PLEKHA2: variants seen among roughly 807,000 people sequenced by gnomAD.
The protein encoded by PLEKHA2 is pleckstrin homology domain containing A2, also known as pleckstrin homology domain-containing family A member 2.
A neutral mutation model predicts 53.2 loss-of-function variants in PLEKHA2; 28 were observed. The observed-to-expected ratio is 0.53, with a 90% CI of 0.39 to 0.72. PLEKHA2 has a LOEUF of 0.72. PLEKHA2 is among the 30% of genes least tolerant of loss of function. The pLI, the probability that PLEKHA2 is intolerant of heterozygous loss-of-function variation, is 0.00. For missense variants in PLEKHA2, 426 were observed against 537.9 expected, an observed-to-expected ratio of 0.79 and a Z score of 2.06; for synonymous variants, 193 against 196.4, an observed-to-expected ratio of 0.98 and a Z score of 0.14.
chr8:38,932,268 T>C (rs751191629), intron 2 of PLEKHA2, among the ~76,000 whole-genome samples: 1 of 152,202 alleles, frequency 6.6e-6, no homozygotes, highest in African/African-American at 2.4e-5. Context: ...GGTGTTGGGA[T>C]TACAGGTGTG....
At chr8:38,965,034 A>G (rs1448942238) in intron 10 of PLEKHA2, among the ~76,000 whole-genome samples, 1 of 150,826 alleles carries the variant, frequency 6.6e-6, no homozygotes, top group Non-Finnish European at 1.5e-5. Flanking sequence ...TTAATTTTTT[A>G]TTTTTCTACA....
chr8:38,933,240 A>G (rs1834426227), intron 2 of PLEKHA2, among the ~76,000 whole-genome samples: 1 of 151,512 alleles, frequency 6.6e-6, no homozygotes, highest in African/African-American at 2.4e-5. Flanking sequence ...GTGCTGTGGG[A>G]GGGGGATCGG....
intron 1 of PLEKHA2, among the ~76,000 whole-genome samples, chr8:38,911,500 G>C (rs1833954096): frequency 1.3e-5 from 2 of 152,188 alleles, no homozygotes; most frequent in South Asian, 2.1e-4. Context: ...GCCTCCCAAA[G>C]TGCTGGGTTT....
At chr8:38,956,446 ACGGTTTAGGGAG>A (rs1392866820) in intron 9 of PLEKHA2, among the ~76,000 whole-genome samples, 2 of 151,998 alleles carry the variant, frequency 1.3e-5, no homozygotes, top group East Asian at 3.9e-4. Context: ...GGTGGAGGAG[ACGGTTTAGGGAG>A]CGGAGAGTTG....
intron 1 of PLEKHA2, among the ~76,000 whole-genome samples, chr8:38,915,280 A>T (rs1203711854): frequency 6.6e-6 from 1 of 152,182 alleles, no homozygotes; most frequent in African/African-American, 2.4e-5. Context: ...TCTTTCCATT[A>T]TAAAGGGTAA....
chr8:38,918,629 C>CAG (rs1491168904), intron 2 of PLEKHA2, among the ~76,000 whole-genome samples: 1 of 102,128 alleles, frequency 9.8e-6, no homozygotes, highest in Non-Finnish European at 2.1e-5. Flanking sequence ...ACACACACAC[C>CAG]ACACACAGAG....
chr8:38,914,406 G>A (rs1262626632), intron 1 of PLEKHA2, among the ~76,000 whole-genome samples: 4 of 152,262 alleles, frequency 2.6e-5, no homozygotes, highest in African/African-American at 4.8e-5. Context: ...TCTGCCTGAT[G>A]TCAGCCTGTG....
intron 5 of PLEKHA2, among the ~76,000 whole-genome samples, chr8:38,948,445 A>G (rs532251357): frequency 2.6e-5 from 4 of 152,342 alleles, no homozygotes; most frequent in African/African-American, 9.6e-5. Context: ...CTGGCACTGA[A>G]TGGTGGCCCA....
intron 11 of PLEKHA2, 179 bp downstream of exon 11, chr8:38,968,848 G>A (rs1020343917): frequency 2.8e-5 from 16 of 562,364 alleles, no homozygotes; most frequent in South Asian, 2.5e-4. Flanking sequence ...ATTTTTCTCT[G>A]TTTGGTTGTG....
At position 38,953,364 on chromosome 8, in the gene PLEKHA2, C is replaced by T. The variant is rs1435153648; in HGVS notation, c.770C>T (p.Ser257Phe). 6.2e-7 allele frequency: 1 copy of T among 1,609,638 alleles called. No individual in the cohort carries two copies. The highest frequency in any genetic ancestry group is 1.1e-5 in the South Asian group (1 of 90,998). ...AAGACCCATGAATGTCTGGTCAAGT[C>T]TGGGTAATTGTGTCTGCTTTTTCTC... Reference protein sequence around the residue: ...VLKTHECLVKSGDLLMRDNLF... With the variant: ...VLKTHECLVKFGDLLMRDNLF... The change falls in exon 9 of 12, where the codon TCT becomes TTT. Residue 257 changes from serine (S) to phenylalanine (F), a missense_variant. Coordinates refer to ENST00000617275, the MANE Select transcript of PLEKHA2 (RefSeq NM_021623.2).
intron 1 of PLEKHA2, among the ~76,000 whole-genome samples, chr8:38,905,487 A>C (rs991377121): frequency 7.3e-5 from 11 of 150,636 alleles, no homozygotes; most frequent in African/African-American, 2.7e-4. Flanking sequence ...TTAAATACTC[A>C]TACTGATTAT....
intron 2 of PLEKHA2, among the ~76,000 whole-genome samples, chr8:38,935,200 G>A (rs2129418945): frequency 6.6e-6 from 1 of 152,050 alleles, no homozygotes; most frequent in South Asian, 2.1e-4. Flanking sequence ...GCAGAGATGG[G>A]GTTTTGCCAT....
intron 10 of PLEKHA2, among the ~76,000 whole-genome samples, chr8:38,965,377 G>A (rs1835117503): frequency 6.6e-6 from 1 of 152,136 alleles, no homozygotes; most frequent in South Asian, 2.1e-4. Context: ...TCAGTAGACT[G>A]CTGGAAGGAG....
chr8:38,928,524 C>T (rs986861567), intron 2 of PLEKHA2, among the ~76,000 whole-genome samples: 1 of 151,994 alleles, frequency 6.6e-6, no homozygotes, highest in African/African-American at 2.4e-5. Context: ...GTTGAGATTA[C>T]AGGCATGAAT....
At chr8:38,964,398 T>C (rs1835095431) in intron 10 of PLEKHA2, among the ~76,000 whole-genome samples, 1 of 152,190 alleles carries the variant, frequency 6.6e-6, no homozygotes, top group Admixed American at 6.5e-5. Flanking sequence ...CATTAAATTC[T>C]CATAGGACTG....
intron 9 of PLEKHA2, among the ~76,000 whole-genome samples, chr8:38,955,191 C>CT (rs1834916587): frequency 6.6e-6 from 1 of 152,150 alleles, no homozygotes; most frequent in South Asian, 2.1e-4. Flanking sequence ...AATGCATAGT[C>CT]TTTTATCCCT....
chr8:38,940,059 A>G (rs1834573262), intron 3 of PLEKHA2, among the ~76,000 whole-genome samples: 1 of 144,128 alleles, frequency 6.9e-6, no homozygotes, highest in African/African-American at 2.6e-5. Flanking sequence ...GCACCTCCAC[A>G]CTCCAGCCTG....
intron 10 of PLEKHA2, among the ~76,000 whole-genome samples, chr8:38,963,889 G>C (rs1835085201): frequency 6.6e-6 from 1 of 152,054 alleles, no homozygotes; most frequent in African/African-American, 2.4e-5. Context: ...TAGAGAATTA[G>C]GGAAGAAATA....
rs948000234 is a variant in PLEKHA2, at chr8:38,943,931, C to A, written c.247+94C>A. 19 of 1,032,244 alleles carry A rather than the reference C, an allele frequency of 1.8e-5. 1 individual carries two copies. The Admixed American group carries it at 4.9e-4, about 26-fold the overall frequency. The allele number at this position is 1,032,244 out of a possible 1,614,324, so 63.9% of individuals were successfully genotyped here. On this transcript the variant is annotated intron_variant, in intron 4 of 11. Coordinates refer to ENST00000617275, the MANE Select transcript of PLEKHA2 (RefSeq NM_021623.2). Reference sequence around the variant, plus strand: ...AGTCCTGTGATCACATGTGACTATACCCTGTGAGTATGAGTGACTTAAATC... The same window carrying A: ...AGTCCTGTGATCACATGTGACTATAACCTGTGAGTATGAGTGACTTAAATC...
Sources: allele counts gnomAD v4.1 joint callset (sites outside exome capture counted in the v4.1 genomes callset), GRCh38; gene constraint gnomAD v4.1.1; transcripts MANE v1.5; gene names NCBI Gene and HGNC (gene_info 2026-07-23, HGNC 2026-07-21).